The following FAM151B variants were observed in gnomAD, a reference collection of about 807,000 sequenced individuals.
FAM151B encodes the protein protein FAM151B.
Under a neutral mutation model 31.2 loss-of-function variants are expected in FAM151B, and 24 were observed. That is an observed-to-expected ratio of 0.77 (90% CI 0.56 to 1.08). FAM151B has a LOEUF of 1.08. Among genes scored for constraint, FAM151B ranks in the 50% least tolerant of loss-of-function variants. FAM151B has a pLI of 0.00. For missense variants in FAM151B, 293 were observed against 328.6 expected (o/e 0.89, Z 0.84); for synonymous variants, 105 against 111.4 (o/e 0.94, Z 0.36).
At chr5:80,536,572 G>T (rs1745526223) in intron 5 of FAM151B, among the ~76,000 whole-genome samples, 1 of 152,122 alleles carries the variant, frequency 6.6e-6, no homozygotes, top group Non-Finnish European at 1.5e-5. Context: ...GGAAATCAGT[G>T]TATCGGAGAG....
At chr5:80,540,495 T>C (rs954874543) in intron 5 of FAM151B, among the ~76,000 whole-genome samples, 1 of 152,214 alleles carries the variant, frequency 6.6e-6, no homozygotes, top group Non-Finnish European at 1.5e-5. Context: ...TTCCATTCAT[T>C]GATATAAATG....
At chr5:80,514,404 G>A (rs1744326081) in intron 3 of FAM151B, among the ~76,000 whole-genome samples, 1 of 151,488 alleles carries the variant, frequency 6.6e-6, no homozygotes, top group Non-Finnish European at 1.5e-5. Flanking sequence ...GAACCTGGGA[G>A]GCGGAGGTTG....
chr5:80,501,986 A>C, intron 2 of FAM151B, 69 bp downstream of exon 2: 1 of 1,316,840 alleles, frequency 7.6e-7, no homozygotes, highest in Non-Finnish European at 1.0e-6. Flanking sequence ...TTTGATATCT[A>C]GGTATATTTG....
chr5:80,496,808 T>A (rs1487644181), intron 1 of FAM151B, among the ~76,000 whole-genome samples: 1 of 129,066 alleles, frequency 7.7e-6, no homozygotes, highest in African/African-American at 2.9e-5. Flanking sequence ...AATTTTTTTT[T>A]TTTTTTTTTT....
chr5:80,515,195 G>A (rs908999205), intron 3 of FAM151B, among the ~76,000 whole-genome samples: 2 of 151,916 alleles, frequency 1.3e-5, no homozygotes, highest in South Asian at 2.1e-4. Flanking sequence ...AGTTGAGATT[G>A]CGCCACGGCA....
At chr5:80,541,585 G>C (rs1745893668) in intron 5 of FAM151B, 88 bp from the exon 6 acceptor site, 7 of 1,247,112 alleles carry the variant, frequency 5.6e-6, no homozygotes, top group Non-Finnish European at 2.3e-6. Context: ...TTGAGTTAGA[G>C]ATAAATGAAA....
At chr5:80,517,576 G>C (rs907129169) in intron 3 of FAM151B, among the ~76,000 whole-genome samples, 4 of 58,390 alleles carry the variant, frequency 6.9e-5, no homozygotes, top group East Asian at 3.7e-4. Context: ...TTAAGTTTCT[G>C]GTAAGGGAAA....
Position 80,524,973 on chromosome 5 carries a change from T to A in FAM151B, c.671+2835T>A, listed in dbSNP as rs566699404. Among the ~76,000 whole-genome samples, 3 of 152,300 alleles carry A rather than the reference T, an allele frequency of 2.0e-5. No homozygotes were observed. In the East Asian group the frequency reaches 5.8e-4, roughly 29 times the overall value. The stretch of plus-strand genomic sequence containing the variant: ...ATAGTTGTTAAATGGAAAAACCAAA[T>A]GCATACAGGCACTGTTTCATCATAG... On this transcript the variant is annotated intron_variant, in intron 5 of 5. Transcript: ENST00000282226.
chr5:80,490,569 TC>T (rs779446232), intron 1 of FAM151B, among the ~76,000 whole-genome samples: 1 of 152,136 alleles, frequency 6.6e-6, no homozygotes, highest in Non-Finnish European at 1.5e-5. Context: ...CACTTCCCCA[TC>T]CCCCACCCTT....
rs1157739383 is a variant in FAM151B at position 80,538,436 on chromosome 5, C to A, written c.672-3237C>A. On this transcript the variant is annotated intron_variant, in intron 5 of 5. Transcript: ENST00000282226. The stretch of plus-strand genomic sequence containing the variant: ...TCTTTCTTTCTTTCTTTCTTTCTTT[C>A]TTTCTTTCTTTCTCTTTCTTTCTTT... Among the ~76,000 whole-genome samples, 93 of 59,740 alleles carry A rather than the reference C, an allele frequency of 1.6e-3. 2 individuals are homozygous for A. Among genetic ancestry groups the A allele is most frequent in the Non-Finnish European group, 8.6e-4 (28 of 32,446 alleles). 39.2% of individuals were successfully genotyped at this position (59,740 alleles called of 152,430 possible).
chr5:80,521,487 A>T (rs1744719559), intron 4 of FAM151B, among the ~76,000 whole-genome samples: 1 of 152,258 alleles, frequency 6.6e-6, no homozygotes, highest in East Asian at 1.9e-4. Context: ...CAATTTTACC[A>T]CTATTTCTAC....
intron 3 of FAM151B, among the ~76,000 whole-genome samples, chr5:80,516,087 G>A (rs1180201482): frequency 6.6e-6 from 1 of 152,210 alleles, no homozygotes; most frequent in African/African-American, 2.4e-5. Flanking sequence ...CACTTTGGTA[G>A]GCCAAGGTGG....
intron 1 of FAM151B, among the ~76,000 whole-genome samples, chr5:80,494,480 C>CTTTCT (rs200647286): frequency 7.2e-6 from 1 of 139,090 alleles, no homozygotes; most frequent in African/African-American, 2.8e-5. Flanking sequence ...TTCTTTCTTT[C>CTTTCT]TTTCTTTCTT....
chr5:80,496,615 T>C (rs1561360200), intron 1 of FAM151B, among the ~76,000 whole-genome samples: 1 of 152,134 alleles, frequency 6.6e-6, no homozygotes, highest in Non-Finnish European at 1.5e-5. Context: ...ATGTAAACTA[T>C]GGACTTTAGT....
intron 1 of FAM151B, chr5:80,501,251 C>A (rs1743731982): frequency 4.6e-6 from 2 of 437,538 alleles, no homozygotes; most frequent in African/African-American, 2.1e-5. Flanking sequence ...AACTCCTGAC[C>A]TCAGGTAATC....
intron 5 of FAM151B, among the ~76,000 whole-genome samples, chr5:80,522,872 G>A (rs529422875): frequency 1.5e-4 from 22 of 151,102 alleles, no homozygotes; most frequent in Non-Finnish European, 2.5e-4. Context: ...AAGTACAGAT[G>A]TTAAAAATTT....
intron 5 of FAM151B, among the ~76,000 whole-genome samples, chr5:80,539,509 T>C (rs1253071263): frequency 6.6e-6 from 1 of 152,220 alleles, no homozygotes; most frequent in Non-Finnish European, 1.5e-5. Flanking sequence ...TTTCCTTTTT[T>C]GAGATGGAGT....
At position 80,538,502 on chromosome 5, in the gene FAM151B, T is replaced by C. The variant is rs865867573; in HGVS notation, c.672-3171T>C. Among the ~76,000 whole-genome samples, 154 of 111,896 alleles carry C rather than the reference T, an allele frequency of 1.4e-3. 2 individuals are homozygous for C. Among genetic ancestry groups the C allele is most frequent in the Non-Finnish European group, 2.0e-3 (111 of 54,396 alleles). 73.4% of individuals were successfully genotyped at this position (111,896 alleles called of 152,430 possible). A position where few individuals can be genotyped will look rare whatever the true frequency, so the allele number is the denominator to read the frequency against. On this transcript the variant is annotated intron_variant, in intron 5 of 5. Coordinates refer to ENST00000282226, the MANE Select transcript of FAM151B (RefSeq NM_205548.3). ...TCTTTCTTTCCTTCCTTCCTTCCTT[T>C]CTTTTCTTTCTTTCCTTCCTTCCTT...
At chr5:80,524,040 T>C (rs980274857) in intron 5 of FAM151B, among the ~76,000 whole-genome samples, 1 of 152,172 alleles carries the variant, frequency 6.6e-6, no homozygotes, top group African/African-American at 2.4e-5. Context: ...TAGCATACTG[T>C]ATTAATTTTT....
Sources: allele counts gnomAD v4.1 joint callset (sites outside exome capture counted in the v4.1 genomes callset), GRCh38; gene constraint gnomAD v4.1.1; transcripts MANE v1.5; gene names NCBI Gene and HGNC (gene_info 2026-07-23, HGNC 2026-07-21).